Variants in MTMR7 observed in about 807,000 individuals in gnomAD.
The protein encoded by MTMR7 is phosphatidylinositol-3-phosphate phosphatase MTMR7.
Under a neutral mutation model 81.2 loss-of-function variants are expected in MTMR7, and 76 were observed. That is an observed-to-expected ratio of 0.94 (90% CI 0.78 to 1.13). The LOEUF (loss-of-function observed/expected upper bound fraction) is 1.13. MTMR7 is among the 50% of genes most tolerant of loss of function. The pLI, the probability that MTMR7 is intolerant of heterozygous loss-of-function variation, is 0.00. For synonymous variants in MTMR7, 372 were observed against 289.8 expected (o/e 1.28, Z -2.88); for missense variants, 1,044 against 820.0 (o/e 1.27, Z -3.34).
intron 7 of MTMR7, among the ~76,000 whole-genome samples, chr8:17,318,893 C>T (rs1311821974): frequency 6.6e-6 from 1 of 152,180 alleles, no homozygotes; most frequent in Non-Finnish European, 1.5e-5. Flanking sequence ...CTTCCAGGCA[C>T]CCAGCCCTAC....
chr8:17,353,937 G>T (rs1819810759), intron 4 of MTMR7, among the ~76,000 whole-genome samples: 1 of 152,162 alleles, frequency 6.6e-6, no homozygotes, highest in African/African-American at 2.4e-5. Context: ...TCAGCTGCAA[G>T]AGCAGAAATG....
intron 1 of MTMR7, among the ~76,000 whole-genome samples, chr8:17,393,759 C>G (rs946971553): frequency 6.6e-6 from 1 of 152,124 alleles, no homozygotes; most frequent in Non-Finnish European, 1.5e-5. Context: ...GGACTTCATA[C>G]CTAGATGACG....
intron 6 of MTMR7, among the ~76,000 whole-genome samples, chr8:17,335,127 A>G (rs566467625): frequency 6.6e-6 from 1 of 152,194 alleles, no homozygotes; most frequent in Non-Finnish European, 1.5e-5. Flanking sequence ...TAGTGTCCAC[A>G]ACAGAGAAGA....
At chr8:17,366,068 C>G (rs981890983) in intron 3 of MTMR7, among the ~76,000 whole-genome samples, 49 of 152,308 alleles carry the variant, frequency 3.2e-4, no homozygotes, top group African/African-American at 1.2e-3. Flanking sequence ...CCTTCACTCT[C>G]AGATAACCCC....
At chr8:17,346,935 C>T (rs1490108229) in intron 5 of MTMR7, among the ~76,000 whole-genome samples, 1 of 149,164 alleles carries the variant, frequency 6.7e-6, no homozygotes, top group African/African-American at 2.5e-5. Context: ...CGCCTCACAC[C>T]TGTAATCCCA....
intron 1 of MTMR7, among the ~76,000 whole-genome samples, chr8:17,384,414 A>AAAAT (rs958180856): frequency 6.6e-6 from 1 of 152,182 alleles, no homozygotes; most frequent in Non-Finnish European, 1.5e-5. Context: ...CTAACTCTAA[A>AAAAT]AAATAAATAA....
Position 17,370,908 on chromosome 8 carries a change from C to T in MTMR7, c.310+129G>A, listed in dbSNP as rs1421659019. On this transcript the variant is annotated intron_variant, in intron 3 of 13. Coordinates refer to ENST00000180173, the MANE Select transcript of MTMR7 (RefSeq NM_004686.5). ...TCAGATGATCATTCGGGCTTATCCT[C>T]TCCTGAGAACGAGACTGACACATAA... 4.3e-6 allele frequency: 4 copies of T among 920,460 alleles called. No homozygotes were observed. In the African/African-American group the frequency reaches 6.7e-5, roughly 15 times the overall value. 57.0% of individuals were successfully genotyped at this position (920,460 alleles called of 1,614,324 possible). A position where few individuals can be genotyped will look rare whatever the true frequency, so the allele number is the denominator to read the frequency against.
chr8:17,305,375 G>C (rs908885223), intron 11 of MTMR7, among the ~76,000 whole-genome samples: 2 of 152,006 alleles, frequency 1.3e-5, no homozygotes, highest in South Asian at 4.1e-4. Flanking sequence ...AATAAATTCT[G>C]GCTTTTATAT....
At chr8:17,307,388 AG>A (rs1322513482) in intron 10 of MTMR7, among the ~76,000 whole-genome samples, 1 of 152,210 alleles carries the variant, frequency 6.6e-6, no homozygotes, top group Non-Finnish European at 1.5e-5. Flanking sequence ...AGGAAACAAC[AG>A]GTGCTGGAGA....
Position 17,311,494 on chromosome 8 carries a change from C to T in MTMR7, c.1101+17G>A. 6.2e-7 allele frequency: 1 copy of T among 1,613,968 alleles called. No individual in the cohort carries two copies. Among genetic ancestry groups the T allele is most frequent in the Non-Finnish European group, 8.5e-7 (1 of 1,179,984 alleles). On this transcript the variant is annotated intron_variant, in intron 9 of 13. Coordinates refer to ENST00000180173, the MANE Select transcript of MTMR7 (RefSeq NM_004686.5). ...TCAAGGCACCGCCTGTGGGAATCGC[C>T]CAGTGGCCACACTCACCATGAAGCC...
At chr8:17,375,128 G>C (rs972880440) in intron 1 of MTMR7, among the ~76,000 whole-genome samples, 10 of 152,102 alleles carry the variant, frequency 6.6e-5, no homozygotes, top group Non-Finnish European at 1.2e-4. Context: ...TCCTGATCTA[G>C]TTTGGGAGTC....
At chr8:17,319,408 GACTC>G (rs1353580740) in intron 7 of MTMR7, among the ~76,000 whole-genome samples, 1 of 152,332 alleles carries the variant, frequency 6.6e-6, no homozygotes, top group Admixed American at 6.5e-5. Flanking sequence ...GGAGCTGTTA[GACTC>G]ACTCAAACAT....
chr8:17,408,148 T>C (rs1213511746), intron 1 of MTMR7, among the ~76,000 whole-genome samples: 1 of 122,158 alleles, frequency 8.2e-6, no homozygotes, highest in African/African-American at 2.5e-5. Flanking sequence ...CCCAGCACTT[T>C]GGGAGGCCGA....
intron 1 of MTMR7, among the ~76,000 whole-genome samples, chr8:17,404,078 A>T (rs1821506323): frequency 6.6e-6 from 1 of 152,092 alleles, no homozygotes; most frequent in Non-Finnish European, 1.5e-5. Context: ...AGACCCACGA[A>T]AGAAGTCCAA....
rs1267870218 is a variant in MTMR7 at position 17,413,251 on chromosome 8, C to T, written c.24+18G>A. The T allele has an allele frequency of 6.5e-7, 1 of 1,548,580 alleles. No individual in the cohort carries two copies. Among genetic ancestry groups the T allele is most frequent in the Admixed American group, 2.0e-5 (1 of 50,902 alleles). ...CATCTCCTCCCGTCCCTCCTCCGCC[C>T]GCGCTGGTGTCACCAACCTTGGGCG... On this transcript the variant is annotated intron_variant, in intron 1 of 13. Coordinates refer to ENST00000180173, the MANE Select transcript of MTMR7 (RefSeq NM_004686.5).
At chr8:17,352,167 A>G (rs1819747950) in intron 4 of MTMR7, among the ~76,000 whole-genome samples, 1 of 152,242 alleles carries the variant, frequency 6.6e-6, no homozygotes, top group African/African-American at 2.4e-5. Context: ...AAGAGGACTT[A>G]CACTTCATAA....
rs116716542 is a variant in MTMR7, at chr8:17,392,927, A to G, written c.25-19687T>C. Among the ~76,000 whole-genome samples the G allele has an allele frequency of 5.3e-3, 808 of 152,344 alleles. 7 individuals are homozygous for G. The highest frequency in any genetic ancestry group is 0.018 in the African/African-American group (768 of 41,580). On this transcript the variant is annotated intron_variant, in intron 1 of 13. Transcript: ENST00000180173. ...GGATGATTATAAAAATAACTTGAAAACAGCTAAAATGTACTATGTGCCATG... is the reference window on the plus strand; with the variant it reads ...GGATGATTATAAAAATAACTTGAAAGCAGCTAAAATGTACTATGTGCCATG...
At chr8:17,372,727 G>C (rs141161990) in intron 2 of MTMR7, among the ~76,000 whole-genome samples, 540 of 152,194 alleles carry the variant, frequency 3.5e-3, no homozygotes, top group Non-Finnish European at 5.4e-3. Context: ...GAAAAGTAGA[G>C]GCAATGTAAT....
At chr8:17,401,563 G>A (rs796895782) in intron 1 of MTMR7, among the ~76,000 whole-genome samples, 8 of 152,142 alleles carry the variant, frequency 5.3e-5, no homozygotes, top group Admixed American at 2.0e-4. Context: ...GTGGGGGAGC[G>A]GCAAAAATGA....
Sources: allele counts gnomAD v4.1 joint callset (sites outside exome capture counted in the v4.1 genomes callset), GRCh38; gene constraint gnomAD v4.1.1; transcripts MANE v1.5; gene names NCBI Gene and HGNC (gene_info 2026-07-23, HGNC 2026-07-21).